SLC7A8: variants seen among roughly 807,000 people sequenced by gnomAD.
SLC7A8 encodes solute carrier family 7 member 8.
SLC7A8 carries 30 observed loss-of-function variants against 51.2 expected under a neutral mutation model. The observed-to-expected ratio is 0.59, with a 90% confidence interval of 0.44 to 0.80. SLC7A8 has a LOEUF of 0.80. SLC7A8 is among the 30% of genes least tolerant of loss of function. SLC7A8 has a pLI of 0.00. For synonymous variants in SLC7A8, 257 were observed against 275.8 expected, an observed-to-expected ratio of 0.93 and a Z score of 0.67; for missense variants, 612 against 674.4, an observed-to-expected ratio of 0.91 and a Z score of 1.03.
intron 3 of SLC7A8, among the ~76,000 whole-genome samples, chr14:23,158,850 C>G: frequency 6.6e-6 from 1 of 152,334 alleles, no homozygotes. Flanking sequence ...TACCATCTCT[C>G]TGGCCTGGAC....
rs1229400956 is a variant in SLC7A8 at position 23,140,517 on chromosome 14, A to G, written c.742T>C (p.Trp248Arg). 1.9e-6 allele frequency: 3 copies of G among 1,613,972 alleles called. No individual in the cohort carries two copies. The highest frequency in any genetic ancestry group is 2.5e-6 in the Non-Finnish European group (3 of 1,179,836). The change falls in exon 5 of 11, where the codon TGG (tryptophan) becomes CGG (arginine). Residue 248 changes from tryptophan to arginine, a missense_variant. Physicochemically the swap from Trp to Arg is moderately radical, Grantham distance 101 (BLOSUM62 -3). Transcript: ENST00000316902. ...FLQGSFAYGG[W>R]NFLNYVTEEL... is the part of the protein sequence containing the mutation. ...TCAGTCACGTAATTCAGAAAGTTCC[A>G]GCCTCCATAGGCAAAGGAGCCCTGA...
intron 7 of SLC7A8, among the ~76,000 whole-genome samples, chr14:23,132,197 T>C (rs1256367866): frequency 6.6e-6 from 1 of 151,614 alleles, no homozygotes; most frequent in Non-Finnish European, 1.5e-5. Context: ...AGAGACGGGG[T>C]TTCACCATCT....
At chr14:23,136,413 C>T (rs2048690508) in intron 7 of SLC7A8, among the ~76,000 whole-genome samples, 1 of 152,166 alleles carries the variant, frequency 6.6e-6, no homozygotes, top group Admixed American at 6.5e-5. Flanking sequence ...ACAGCATTTG[C>T]AAGTGTCAGG....
At chr14:23,178,154 C>A (rs1305599831) in intron 1 of SLC7A8, among the ~76,000 whole-genome samples, 1 of 152,104 alleles carries the variant, frequency 6.6e-6, no homozygotes, top group African/African-American at 2.4e-5. Flanking sequence ...CAAATAAGTT[C>A]AGGTATGTTA....
At chr14:23,180,910 C>G (rs773849596) in intron 1 of SLC7A8, among the ~76,000 whole-genome samples, 156 of 152,132 alleles carry the variant, frequency 1.0e-3, no homozygotes, top group Non-Finnish European at 1.9e-3. Flanking sequence ...GCCTGTAGTC[C>G]CAGCTACTCG....
At chr14:23,138,059 G>C in intron 6 of SLC7A8, 35 bp from the exon 7 acceptor site, 1 of 1,612,632 alleles carries the variant, frequency 6.2e-7, no homozygotes, top group Non-Finnish European at 8.5e-7. Flanking sequence ...GCAAAGGAGA[G>C]GTCACCACTC....
At chr14:23,132,218 G>A (rs2048643137) in intron 7 of SLC7A8, among the ~76,000 whole-genome samples, 1 of 151,908 alleles carries the variant, frequency 6.6e-6, no homozygotes, top group African/African-American at 2.4e-5. Context: ...TGGCCAGGCT[G>A]GTCTTGAACT....
chr14:23,151,855 G>A (rs2048850346), intron 3 of SLC7A8, among the ~76,000 whole-genome samples: 1 of 151,682 alleles, frequency 6.6e-6, no homozygotes, highest in Admixed American at 6.6e-5. Flanking sequence ...CTTGAGTTCA[G>A]GAGTTTAAGA....
intron 3 of SLC7A8, among the ~76,000 whole-genome samples, chr14:23,150,834 C>T (rs2048840157): frequency 6.6e-6 from 1 of 152,166 alleles, no homozygotes; most frequent in South Asian, 2.1e-4. Flanking sequence ...TGACCCTTCT[C>T]AATTTCTAAT....
chr14:23,148,935 A>G (rs2140321477), intron 3 of SLC7A8, among the ~76,000 whole-genome samples: 1 of 152,364 alleles, frequency 6.6e-6, no homozygotes, highest in South Asian at 2.1e-4. Flanking sequence ...CATTATACAG[A>G]AAGACCAGAC....
chr14:23,180,205 C>T (rs1014485056), intron 1 of SLC7A8, among the ~76,000 whole-genome samples: 3 of 152,144 alleles, frequency 2.0e-5, no homozygotes, highest in Non-Finnish European at 2.9e-5. Context: ...CGCACCCGGC[C>T]CTTTTTTTGC....
In SLC7A8 at chr14:23,127,024, T is replaced by G. The variant is rs1397281077; in HGVS notation, c.*153A>C. 1.1e-6 allele frequency: 1 copy of G among 929,766 alleles called. No individual in the cohort carries two copies. Among genetic ancestry groups the G allele is most frequent in the African/African-American group, 1.7e-5 (1 of 60,026 alleles). 57.6% of individuals were successfully genotyped at this position (929,766 alleles called of 1,614,324 possible). On this transcript the variant is annotated 3_prime_UTR_variant, in exon 11 of 11. Coordinates refer to ENST00000316902, the MANE Select transcript of SLC7A8 (RefSeq NM_012244.4). ...TTTGGGTATGAATGTCAGTTTTTGT[T>G]TACAATTTCTCACCACCCACACCAA...
chr14:23,143,064 TCCTGCGA>T lies in SLC7A8; in HGVS notation c.634+8_634+14del, dbSNP rs2048759664. The stretch of plus-strand genomic sequence containing the variant: ...AGGAAAGCTGGGCAGTACCTGTTTT[TCCTGCGA>T]TACTCACCTTTGCATATCTGTACAA... On this transcript the variant is annotated splice_region_variant and intron_variant, in intron 4 of 10. Coordinates refer to ENST00000316902, the MANE Select transcript of SLC7A8 (RefSeq NM_012244.4). 1.2e-6 allele frequency: 2 copies of T among 1,613,340 alleles called. No homozygotes were observed. Among genetic ancestry groups the T allele is most frequent in the Admixed American group, 3.3e-5 (2 of 59,992 alleles).
chr14:23,182,746 G>C lies in SLC7A8; in HGVS notation c.151+18C>G. On this transcript the variant is annotated intron_variant, in intron 1 of 10. Transcript: ENST00000316902. ...CCAGAGGGGAGAGGAGGGGTCCGCG[G>C]GAAGGAATGGAACTCACCTACGATG... 6.5e-7 allele frequency: 1 copy of C among 1,528,980 alleles called. No homozygotes were observed. Among genetic ancestry groups the C allele is most frequent in the Non-Finnish European group, 8.8e-7 (1 of 1,139,634 alleles). The allele number at this position is 1,528,980 out of a possible 1,614,324, so 94.7% of individuals were successfully genotyped here.
intron 1 of SLC7A8, among the ~76,000 whole-genome samples, chr14:23,179,239 A>C (rs1433037473): frequency 6.6e-6 from 1 of 152,084 alleles, no homozygotes; most frequent in Non-Finnish European, 1.5e-5. Flanking sequence ...TTTCACAACT[A>C]AACCATGTCA....
intron 7 of SLC7A8, among the ~76,000 whole-genome samples, chr14:23,132,943 T>A (rs2048653203): frequency 7.0e-6 from 1 of 141,846 alleles, no homozygotes; most frequent in Non-Finnish European, 1.6e-5. Context: ...GCCTATGATC[T>A]GCTTTTTAAA....
At chr14:23,141,489 G>A (rs540506670) in intron 4 of SLC7A8, among the ~76,000 whole-genome samples, 8 of 152,086 alleles carry the variant, frequency 5.3e-5, no homozygotes, top group East Asian at 1.9e-4. Context: ...TCGCTCTGTC[G>A]CCCAGGCTGG....
intron 1 of SLC7A8, among the ~76,000 whole-genome samples, chr14:23,180,548 A>G (rs1167181576): frequency 6.6e-6 from 1 of 152,166 alleles, no homozygotes; most frequent in Non-Finnish European, 1.5e-5. Flanking sequence ...CTGAAATCAC[A>G]TATTTGGAAT....
intron 1 of SLC7A8, among the ~76,000 whole-genome samples, chr14:23,179,621 G>A (rs1354205661): frequency 6.6e-6 from 1 of 151,850 alleles, no homozygotes; most frequent in Admixed American, 6.6e-5. Context: ...CAGCCTGGGC[G>A]ATACAGTGAG....
Sources: allele counts gnomAD v4.1 joint callset (sites outside exome capture counted in the v4.1 genomes callset), GRCh38; gene constraint gnomAD v4.1.1; transcripts MANE v1.5; gene names NCBI Gene and HGNC (gene_info 2026-07-23, HGNC 2026-07-21).